ITGA2: variants seen among roughly 807,000 people sequenced by gnomAD.
ITGA2 encodes the protein integrin subunit alpha 2.
In ITGA2, 101 loss-of-function variants were observed where a neutral mutation model predicts 146.3. That is an observed-to-expected ratio of 0.69 (90% CI 0.59 to 0.81). ITGA2 has a LOEUF of 0.81. Among genes scored for constraint, ITGA2 ranks in the 40% least tolerant of loss-of-function variants. The pLI is 0.00. For missense variants in ITGA2, 1,281 were observed against 1,402.7 expected, an observed-to-expected ratio of 0.91 and a Z score of 1.39; for synonymous variants, 477 against 487.1, an observed-to-expected ratio of 0.98 and a Z score of 0.27.
intron 19 of ITGA2, 127 bp from the exon 20 acceptor site, chr5:53,072,991 C>A: frequency 2.2e-6 from 2 of 918,654 alleles, no homozygotes; most frequent in Non-Finnish European, 3.4e-6. Flanking sequence ...TAGTTTATTA[C>A]ACAGCAATTT....
chr5:53,077,676 T>A lies in ITGA2; in HGVS notation c.2826-1096T>A, dbSNP rs570707882. Among the ~76,000 whole-genome samples the A allele has an allele frequency of 3.9e-5, 6 of 152,192 alleles. No homozygotes were observed. In the South Asian group the frequency reaches 6.2e-4, roughly 16 times the overall value. Reference sequence around the variant, plus strand: ...CCATTTTCCATGTCAGGCTGACAAATCATTGTTTCCTCTCATATATAACCT... The same window carrying A: ...CCATTTTCCATGTCAGGCTGACAAAACATTGTTTCCTCTCATATATAACCT... On this transcript the variant is annotated intron_variant, in intron 23 of 29. Transcript: ENST00000296585.
At chr5:53,032,379 T>C (rs528300465) in intron 2 of ITGA2, among the ~76,000 whole-genome samples, 38 of 152,264 alleles carry the variant, frequency 2.5e-4, no homozygotes, top group Middle Eastern at 3.4e-3. Flanking sequence ...CCACCTGGTA[T>C]TTATTGAGTA....
chr5:53,024,669 G>A (rs1579814190), intron 1 of ITGA2, among the ~76,000 whole-genome samples: 1 of 152,242 alleles, frequency 6.6e-6, no homozygotes, highest in East Asian at 1.9e-4. Context: ...AGTCCTACAT[G>A]CCGTATTAGG....
intron 28 of ITGA2, chr5:53,089,566 GT>G (rs1246193422): frequency 4.9e-6 from 1 of 203,734 alleles, no homozygotes; most frequent in Non-Finnish European, 1.0e-5. Context: ...GGGTTAAAGA[GT>G]TTCTTCGACT....
chr5:52,998,298 A>G (rs887760065), intron 1 of ITGA2, among the ~76,000 whole-genome samples: 8 of 151,936 alleles, frequency 5.3e-5, no homozygotes, highest in Non-Finnish European at 1.2e-4. Flanking sequence ...CTAAAAATAC[A>G]AAAAAATTAG....
intron 1 of ITGA2, among the ~76,000 whole-genome samples, chr5:53,026,109 T>C (rs908134334): frequency 6.6e-6 from 1 of 152,206 alleles, no homozygotes; most frequent in African/African-American, 2.4e-5. Context: ...AAAAAAGATA[T>C]GACACCAATC....
intron 16 of ITGA2, among the ~76,000 whole-genome samples, chr5:53,068,845 G>A (rs185766636): frequency 1.9e-3 from 286 of 148,052 alleles, no homozygotes; most frequent in African/African-American, 6.9e-3. Context: ...CCCATGAAGC[G>A]ATGTATCATT....
chr5:53,068,026 A>T (rs1271924492), intron 16 of ITGA2, among the ~76,000 whole-genome samples: 1 of 151,926 alleles, frequency 6.6e-6, no homozygotes, highest in Admixed American at 6.6e-5. Flanking sequence ...TCTTTCATTA[A>T]CTGCTGCTTC....
chr5:53,003,792 C>T (rs1414407743), intron 1 of ITGA2, among the ~76,000 whole-genome samples: 4 of 152,020 alleles, frequency 2.6e-5, no homozygotes, highest in South Asian at 2.1e-4. Context: ...TAATGGTCCT[C>T]GACCATTCAT....
chr5:53,050,534 A>C (rs1332339008), intron 6 of ITGA2, among the ~76,000 whole-genome samples: 1 of 152,134 alleles, frequency 6.6e-6, no homozygotes, highest in African/African-American at 2.4e-5. Context: ...AAAACACAGC[A>C]GATGGAACTC....
intron 1 of ITGA2, among the ~76,000 whole-genome samples, chr5:52,995,111 A>T (rs1741171693): frequency 6.6e-6 from 1 of 152,242 alleles, no homozygotes; most frequent in Admixed American, 6.5e-5. Context: ...CAATGAAAAC[A>T]GAAGGTCCTT....
chr5:53,051,930 T>C (rs1744388545), intron 7 of ITGA2, among the ~76,000 whole-genome samples: 2 of 152,108 alleles, frequency 1.3e-5, no homozygotes, highest in Admixed American at 1.3e-4. Context: ...TTGGTGCAAA[T>C]TAACAAAGAC....
At chr5:53,081,812 G>T in intron 26 of ITGA2, 116 bp downstream of exon 26, 1 of 698,490 alleles carries the variant, frequency 1.4e-6, no homozygotes, top group Admixed American at 2.7e-5. Context: ...TGCCTTTGAT[G>T]CTTATATGAG....
intron 1 of ITGA2, among the ~76,000 whole-genome samples, chr5:53,006,165 G>A (rs1356763233): frequency 6.6e-6 from 1 of 151,950 alleles, no homozygotes; most frequent in African/African-American, 2.4e-5. Flanking sequence ...CATGGCACAC[G>A]TTTACCTATG....
intron 1 of ITGA2, among the ~76,000 whole-genome samples, chr5:53,023,501 A>AT (rs577116990): frequency 1.2e-3 from 175 of 152,012 alleles, no homozygotes; most frequent in Admixed American, 2.0e-3. Context: ...TTTTGATGCC[A>AT]TTTTTTTTAG....
At chr5:53,057,296 A>G (rs373989603) in intron 9 of ITGA2, among the ~76,000 whole-genome samples, 45 of 152,036 alleles carry the variant, frequency 3.0e-4, no homozygotes, top group African/African-American at 1.0e-3. Context: ...TCTAAATAAG[A>G]CTATGTTGTA....
chr5:53,003,161 C>A (rs900550778), intron 1 of ITGA2, among the ~76,000 whole-genome samples: 2 of 152,126 alleles, frequency 1.3e-5, no homozygotes, highest in African/African-American at 4.8e-5. Context: ...GACAAACTGC[C>A]CTTTGTCTTT....
chr5:53,085,041 G>A (rs913376137), intron 27 of ITGA2, among the ~76,000 whole-genome samples: 1 of 152,210 alleles, frequency 6.6e-6, no homozygotes, highest in East Asian at 1.9e-4. Flanking sequence ...TGACATACAA[G>A]GATTGTGTCA....
In ITGA2 at chr5:53,092,615, AATTTT is replaced by A. The variant is rs1458903340; in HGVS notation, c.*2021_*2025del. On this transcript the variant is annotated 3_prime_UTR_variant, in exon 30 of 30. Transcript: ENST00000296585. ...AGAATTTGCTGCTTCATTCCAACAAAATTTTATTTAAAAAAAAAAAAAAAAGACTG... is the reference window on the plus strand; with the variant it reads ...AGAATTTGCTGCTTCATTCCAACAAAATTTAAAAAAAAAAAAAAAAGACTG... The A allele has an allele frequency of 7.2e-6, 1 of 139,472 alleles. No homozygotes were observed. Among genetic ancestry groups the A allele is most frequent in the Non-Finnish European group, 1.6e-5 (1 of 63,698 alleles). 8.6% of individuals were successfully genotyped at this position (139,472 alleles called of 1,614,324 possible).
Sources: gnomAD v4.1 joint callset for allele counts (sites outside exome capture counted in the v4.1 genomes callset) on GRCh38, gnomAD v4.1.1 for gene constraint, MANE v1.5 for transcripts, NCBI Gene and HGNC (gene_info 2026-07-23, HGNC 2026-07-21) for gene names.